The following SEMA3D variants were observed in gnomAD, a reference collection of about 807,000 sequenced individuals.
The protein encoded by SEMA3D is semaphorin-3D.
A neutral mutation model predicts 100.1 loss-of-function variants in SEMA3D; 84 were observed. That is an observed-to-expected ratio of 0.84 (90% CI 0.70 to 1.01). The LOEUF (loss-of-function observed/expected upper bound fraction) is 1.01, where lower values mean the gene tolerates loss of function less well. Ranked by LOEUF, SEMA3D falls within the 50% of genes least tolerant of loss-of-function variation. SEMA3D has a pLI of 0.00. For missense variants in SEMA3D, 875 were observed against 934.1 expected (o/e 0.94, Z 0.82); for synonymous variants, 312 against 320.7 (o/e 0.97, Z 0.29).
At chr7:85,078,832 G>A (rs138719139) in intron 5 of SEMA3D, among the ~76,000 whole-genome samples, 5 of 152,300 alleles carry the variant, frequency 3.3e-5, no homozygotes, top group African/African-American at 4.8e-5. Context: ...CTCTTGGGAA[G>A]TAGGTAAAAA....
intron 1 of SEMA3D, among the ~76,000 whole-genome samples, chr7:85,160,775 C>T: frequency 6.6e-6 from 1 of 152,048 alleles, no homozygotes; most frequent in East Asian, 1.9e-4. Context: ...AAGATTAAAG[C>T]ACTAAAGAAG....
At chr7:85,250,120 G>A in the SEMA3D span, among the ~76,000 whole-genome samples, 10 of 152,190 alleles carry the variant, frequency 6.6e-5, no homozygotes, top group South Asian at 1.2e-3. Flanking sequence ...CGCACCTGGA[G>A]AATCGGGTCA....
At chr7:85,126,677 A>C (rs1002257149) in intron 2 of SEMA3D, among the ~76,000 whole-genome samples, 1 of 152,088 alleles carries the variant, frequency 6.6e-6, no homozygotes, top group Non-Finnish European at 1.5e-5. Flanking sequence ...TGTAGGGTGC[A>C]CATGACTGAT....
At chr7:85,095,544 A>G (rs1299010489) in intron 4 of SEMA3D, among the ~76,000 whole-genome samples, 1 of 152,192 alleles carries the variant, frequency 6.6e-6, no homozygotes, top group Non-Finnish European at 1.5e-5. Flanking sequence ...TCCGCAAAAG[A>G]GTTTGGATCT....
intron 2 of SEMA3D, among the ~76,000 whole-genome samples, chr7:85,135,656 A>AAAATGAAT (rs1562831131): frequency 1.4e-5 from 2 of 147,494 alleles, no homozygotes; most frequent in Non-Finnish European, 3.0e-5. Flanking sequence ...TAAGTATAAT[A>AAAATGAAT]AAATAAATAA....
the SEMA3D span, among the ~76,000 whole-genome samples, chr7:85,203,809 A>G: frequency 3.3e-5 from 5 of 150,804 alleles, no homozygotes; most frequent in African/African-American, 1.2e-4. Context: ...ATACAGGGGG[A>G]AAACAAAAAC....
rs563005941 is a variant in SEMA3D, at chr7:85,067,908, T to C, written c.589+283A>G. 2.0e-5 allele frequency among the ~76,000 whole-genome samples: 3 copies of C among 152,252 alleles called. No homozygotes were observed. The South Asian group carries it at 6.2e-4, about 31-fold the overall frequency. ...ATAAGAAAATCCCCAGACATCTAAA[T>C]ATAAAATTATAAAACAAGTAATTAT... On this transcript the variant is annotated intron_variant, in intron 7 of 18. Transcript: ENST00000284136.
intron 7 of SEMA3D, among the ~76,000 whole-genome samples, chr7:85,066,325 G>A (rs1791619087): frequency 6.6e-6 from 1 of 151,860 alleles, no homozygotes; most frequent in Admixed American, 6.6e-5. Context: ...TGAGAAGGAG[G>A]AAGAAGGGAA....
chr7:85,011,680 C>T (rs539840293), intron 17 of SEMA3D, among the ~76,000 whole-genome samples: 1 of 151,812 alleles, frequency 6.6e-6, no homozygotes, highest in East Asian at 2.0e-4. Context: ...ATATGTATCG[C>T]ACAGTAATGA....
intron 2 of SEMA3D, among the ~76,000 whole-genome samples, chr7:85,145,819 C>T (rs1017236574): frequency 6.6e-6 from 1 of 152,102 alleles, no homozygotes; most frequent in Non-Finnish European, 1.5e-5. Flanking sequence ...ACTCAAGTCT[C>T]CTATATAATG....
At position 85,118,614 on chromosome 7, in the gene SEMA3D, T is replaced by G. The variant is rs190932697; in HGVS notation, c.151+3127A>C. ...CAGTAGGAATAGAACAGCTGAGCTC[T>G]TATAATGTGACCCTTGTAAATTTGT... On this transcript the variant is annotated intron_variant, in intron 3 of 18. Transcript: ENST00000284136. 2.8e-4 allele frequency among the ~76,000 whole-genome samples: 42 copies of G among 152,262 alleles called. No individual in the cohort carries two copies. The East Asian group carries it at 6.8e-3, about 25-fold the overall frequency.
At chr7:85,072,657 G>A (rs1583895121) in intron 6 of SEMA3D, among the ~76,000 whole-genome samples, 1 of 152,186 alleles carries the variant, frequency 6.6e-6, no homozygotes, top group Non-Finnish European at 1.5e-5. Flanking sequence ...AGTATATGGT[G>A]AAAATGATAG....
chr7:85,155,765 C>T (rs1790576793), intron 1 of SEMA3D, among the ~76,000 whole-genome samples: 1 of 152,022 alleles, frequency 6.6e-6, no homozygotes, highest in Non-Finnish European at 1.5e-5. Flanking sequence ...TTTAATATTG[C>T]CAGAGATAAT....
chr7:85,057,587 G>C (rs979626446), intron 8 of SEMA3D, among the ~76,000 whole-genome samples: 1 of 152,164 alleles, frequency 6.6e-6, no homozygotes, highest in Non-Finnish European at 1.5e-5. Flanking sequence ...CAAATGTACA[G>C]CAATTGGCCA....
intron 2 of SEMA3D, among the ~76,000 whole-genome samples, chr7:85,139,826 A>G (rs926567656): frequency 2.7e-5 from 4 of 147,802 alleles, no homozygotes; most frequent in Non-Finnish European, 3.0e-5. Context: ...CTATATTAAG[A>G]TGTACATTCT....
chr7:85,240,434 A>C, the SEMA3D span, among the ~76,000 whole-genome samples: 1 of 152,106 alleles, frequency 6.6e-6, no homozygotes, highest in African/African-American at 2.4e-5. Context: ...CAACCATGTC[A>C]TGATAGACAT....
intron 1 of SEMA3D, among the ~76,000 whole-genome samples, chr7:85,171,560 C>T (rs1024651875): frequency 6.6e-6 from 1 of 151,304 alleles, no homozygotes; most frequent in African/African-American, 2.5e-5. Flanking sequence ...CAAGATCAAC[C>T]TTTTTTTAGT....
intron 2 of SEMA3D, chr7:85,141,414 T>C (rs1790049581): frequency 3.0e-6 from 3 of 984,552 alleles, no homozygotes; most frequent in South Asian, 4.7e-5. Context: ...CATTGTACTA[T>C]TGGGGATTCT....
At chr7:85,025,456 G>T (rs1472046840) in intron 12 of SEMA3D, among the ~76,000 whole-genome samples, 1 of 151,938 alleles carries the variant, frequency 6.6e-6, no homozygotes, top group Non-Finnish European at 1.5e-5. Context: ...GCAAGTCTGC[G>T]TGTTTGTCTA....
Sources: gnomAD v4.1 joint callset for allele counts (sites outside exome capture counted in the v4.1 genomes callset) on GRCh38, gnomAD v4.1.1 for gene constraint, MANE v1.5 for transcripts, NCBI Gene and HGNC (gene_info 2026-07-23, HGNC 2026-07-21) for gene names.